Variants in CLVS2 observed in about 807,000 individuals in gnomAD.
The protein encoded by CLVS2 is clavesin 2, also known as clavesin-2.
Under a neutral mutation model 29.0 loss-of-function variants are expected in CLVS2, and 19 were observed. The ratio of observed to expected loss-of-function variants is 0.66; its 90% CI spans 0.46 to 0.96. CLVS2 has a LOEUF of 0.96. CLVS2 is among the 40% of genes least tolerant of loss of function. The pLI is 0.00. For synonymous variants in CLVS2, 161 were observed against 151.3 expected (o/e 1.06, Z -0.47); for missense variants, 294 against 404.1 (o/e 0.73, Z 2.34).
chr6:123,008,392 T>C (rs1774701396), intron 2 of CLVS2, among the ~76,000 whole-genome samples: 1 of 152,140 alleles, frequency 6.6e-6, no homozygotes, highest in Non-Finnish European at 1.5e-5. Flanking sequence ...ATCTTGATTT[T>C]GAAACAGTTT....
At position 123,055,863 on chromosome 6, in the gene CLVS2, C is replaced by T. The variant is rs1366938117; in HGVS notation, c.733C>T (p.Leu245=). The T allele has an allele frequency of 6.2e-7, 1 of 1,614,058 alleles. No individual in the cohort carries two copies. The highest frequency in any genetic ancestry group is 1.1e-5 in the South Asian group (1 of 91,070). Residue 245 remains leucine (L), a synonymous_variant, in exon 5 of 6, where the codon CTG becomes TTG. Coordinates refer to ENST00000275162, the MANE Select transcript of CLVS2 (RefSeq NM_001010852.4). ...SLHQLIHPEI[L]PSEFGGMLPP... Reference sequence around the variant, plus strand: ...ACACCAACTAATTCATCCTGAGATCCTGCCCTCTGAGTTTGGAGGAATGCT... The same window carrying T: ...ACACCAACTAATTCATCCTGAGATCTTGCCCTCTGAGTTTGGAGGAATGCT...
chr6:123,011,615 ATC>A (rs1774748637), intron 3 of CLVS2, among the ~76,000 whole-genome samples: 1 of 152,006 alleles, frequency 6.6e-6, no homozygotes, highest in African/African-American at 2.4e-5. Context: ...TGCAAAGATC[ATC>A]TCTCTAAATT....
chr6:123,039,622 TAAAC>T (rs1775200420), intron 3 of CLVS2, among the ~76,000 whole-genome samples: 2 of 152,300 alleles, frequency 1.3e-5, no homozygotes, highest in South Asian at 2.1e-4. Flanking sequence ...GCAGCTGACT[TAAAC>T]AAGCCCTGTG....
intron 3 of CLVS2, among the ~76,000 whole-genome samples, chr6:123,030,629 C>A (rs1046888844): frequency 6.6e-6 from 1 of 152,048 alleles, no homozygotes; most frequent in Non-Finnish European, 1.5e-5. Flanking sequence ...TGGAACTAGG[C>A]TGTAGACTGT....
intron 4 of CLVS2, among the ~76,000 whole-genome samples, chr6:123,051,977 G>T (rs1465552719): frequency 6.6e-6 from 1 of 152,032 alleles, no homozygotes; most frequent in African/African-American, 2.4e-5. Flanking sequence ...TTTACTGCCT[G>T]GTCCAGAGAT....
intron 3 of CLVS2, among the ~76,000 whole-genome samples, chr6:123,012,850 G>A (rs1175136860): frequency 6.6e-6 from 1 of 152,010 alleles, no homozygotes; most frequent in Admixed American, 6.6e-5. Context: ...AGTAAGAAGG[G>A]TTGATTCCTC....
intron 3 of CLVS2, among the ~76,000 whole-genome samples, chr6:123,019,337 C>G (rs1302549284): frequency 6.6e-6 from 1 of 151,980 alleles, no homozygotes; most frequent in African/African-American, 2.4e-5. Flanking sequence ...GGGTGTTTTG[C>G]TTATGTTCTG....
intron 3 of CLVS2, among the ~76,000 whole-genome samples, chr6:123,044,147 C>T (rs557962893): frequency 6.6e-6 from 1 of 152,316 alleles, no homozygotes; most frequent in African/African-American, 2.4e-5. Context: ...AATTTTATTA[C>T]CTTTTTTCAA....
At chr6:123,002,183 G>A (rs1774598694) in intron 2 of CLVS2, among the ~76,000 whole-genome samples, 2 of 152,108 alleles carry the variant, frequency 1.3e-5, no homozygotes, top group South Asian at 4.1e-4. Context: ...TTCTTAATAT[G>A]GTGGCAATCC....
chr6:123,044,798 T>C (rs1426155126), intron 3 of CLVS2, among the ~76,000 whole-genome samples: 1 of 152,218 alleles, frequency 6.6e-6, no homozygotes, highest in Admixed American at 6.5e-5. Flanking sequence ...TGTGGCCTTC[T>C]ATCTTGCAGC....
chr6:123,013,195 T>C (rs1774777155), intron 3 of CLVS2, among the ~76,000 whole-genome samples: 3 of 152,076 alleles, frequency 2.0e-5, no homozygotes, highest in Admixed American at 6.6e-5. Context: ...ATGTGACAAA[T>C]ATTGTGTACC....
At chr6:123,004,026 A>G (rs985662461) in intron 2 of CLVS2, among the ~76,000 whole-genome samples, 7 of 152,212 alleles carry the variant, frequency 4.6e-5, no homozygotes, top group Non-Finnish European at 8.8e-5. Context: ...AAAAAATCAA[A>G]TTCTGATAAT....
intron 5 of CLVS2, among the ~76,000 whole-genome samples, chr6:123,060,861 T>C (rs1772767029): frequency 6.6e-6 from 1 of 152,262 alleles, no homozygotes; most frequent in Non-Finnish European, 1.5e-5. Context: ...GGAGTTATGA[T>C]CTACTTCTGT....
intron 3 of CLVS2, among the ~76,000 whole-genome samples, chr6:123,035,468 G>C (rs548482066): frequency 5.9e-5 from 9 of 151,944 alleles, no homozygotes; most frequent in Admixed American, 5.9e-4. Context: ...TGAAGATGTT[G>C]GGTAAAAAGT....
At chr6:123,027,125 A>G (rs1346811499) in intron 3 of CLVS2, among the ~76,000 whole-genome samples, 2 of 152,150 alleles carry the variant, frequency 1.3e-5, no homozygotes, top group Admixed American at 6.6e-5. Context: ...CAAGCAAGAT[A>G]AAGTAAAGAA....
chr6:123,052,166 A>C (rs1361284638), intron 4 of CLVS2, among the ~76,000 whole-genome samples: 2 of 152,246 alleles, frequency 1.3e-5, no homozygotes, highest in African/African-American at 4.8e-5. Context: ...GTCAAGAAAC[A>C]TGATACATAG....
At chr6:123,005,023 G>A (rs1774647251) in intron 2 of CLVS2, among the ~76,000 whole-genome samples, 1 of 151,910 alleles carries the variant, frequency 6.6e-6, no homozygotes. Context: ...GAGGGAAAGA[G>A]CACTGGTCTA....
intron 3 of CLVS2, among the ~76,000 whole-genome samples, chr6:123,037,067 A>AT (rs940997486): frequency 6.6e-6 from 1 of 151,664 alleles, no homozygotes; most frequent in Non-Finnish European, 1.5e-5. Flanking sequence ...TTTATTTTTT[A>AT]TTTTTTTTCT....
Position 123,010,584 on chromosome 6 carries a change from G to T in CLVS2, c.390-401G>T, listed in dbSNP as rs565507311. On this transcript the variant is annotated intron_variant, in intron 2 of 5. Transcript: ENST00000275162. Reference sequence around the variant, plus strand: ...ATGTACAGTGTTTTCATTTATTGATGAGACTCACTCAAATCTCATTCTCAG... The same window carrying T: ...ATGTACAGTGTTTTCATTTATTGATTAGACTCACTCAAATCTCATTCTCAG... 2.0e-5 allele frequency among the ~76,000 whole-genome samples: 3 copies of T among 152,034 alleles called. No individual in the cohort carries two copies. In the East Asian group the frequency reaches 5.8e-4, roughly 29 times the overall value.
Sources: allele counts gnomAD v4.1 joint callset (sites outside exome capture counted in the v4.1 genomes callset), GRCh38; gene constraint gnomAD v4.1.1; transcripts MANE v1.5; gene names NCBI Gene and HGNC (gene_info 2026-07-23, HGNC 2026-07-21).